The following TMEM64 variants were observed in gnomAD, a reference collection of about 807,000 sequenced individuals.
TMEM64 encodes the protein transmembrane protein 64.
Under a neutral mutation model 24.5 loss-of-function variants are expected in TMEM64, and 19 were observed. That is an observed-to-expected ratio of 0.78 (90% CI 0.54 to 1.14). The LOEUF is 1.14. TMEM64 is among the 50% of genes most tolerant of loss of function. The pLI, the probability that TMEM64 is intolerant of heterozygous loss-of-function variation, is 0.00. For missense variants in TMEM64, 487 were observed against 493.0 expected (o/e 0.99, Z 0.12); for synonymous variants, 262 against 224.7 (o/e 1.17, Z -1.49).
At chr8:90,636,320 A>C (rs989091581) in intron 1 of TMEM64, among the ~76,000 whole-genome samples, 2 of 152,174 alleles carry the variant, frequency 1.3e-5, no homozygotes, top group Admixed American at 1.3e-4. Flanking sequence ...CAATGGCACG[A>C]TCTCGGCTCA....
At position 90,624,566 on chromosome 8, in the gene TMEM64, A is replaced by G. The variant is rs551864348; in HGVS notation, c.*1105T>C. ...ACAATTTCACATTTCAGAATTCCTG[A>G]GTCTTATCAGAGAAAAACAAGTACT... On this transcript the variant is annotated 3_prime_UTR_variant, in exon 3 of 3. Transcript: ENST00000458549. 1 of 152,522 alleles carries G rather than the reference A, an allele frequency of 6.6e-6. No homozygotes were observed. The highest frequency in any genetic ancestry group is 1.5e-5 in the Non-Finnish European group (1 of 67,946). 9.4% of individuals were successfully genotyped at this position (152,522 alleles called of 1,614,324 possible). A position where few individuals can be genotyped will look rare whatever the true frequency, so the allele number is the denominator to read the frequency against.
chr8:90,635,941 T>C (rs1190069776), intron 1 of TMEM64, among the ~76,000 whole-genome samples: 3 of 152,170 alleles, frequency 2.0e-5, no homozygotes, highest in Non-Finnish European at 4.4e-5. Flanking sequence ...ATGACATCAA[T>C]AATATTCAAA....
At chr8:90,628,578 AAAG>A (rs1197658422) in intron 2 of TMEM64, among the ~76,000 whole-genome samples, 3 of 152,208 alleles carry the variant, frequency 2.0e-5, no homozygotes, top group African/African-American at 4.8e-5. Flanking sequence ...GACTTCCCCA[AAAG>A]AATAGGGGCA....
chr8:90,627,253 G>T (rs1809374163), intron 2 of TMEM64, among the ~76,000 whole-genome samples: 1 of 151,982 alleles, frequency 6.6e-6, no homozygotes, highest in Non-Finnish European at 1.5e-5. Flanking sequence ...GAGAGGGGAG[G>T]AACTTGGAAC....
chr8:90,634,161 G>T (rs1809481183), intron 1 of TMEM64, among the ~76,000 whole-genome samples: 1 of 151,994 alleles, frequency 6.6e-6, no homozygotes, highest in African/African-American at 2.4e-5. Flanking sequence ...TAAAGGTGAG[G>T]ATATAGCCTG....
chr8:90,638,685 C>A (rs1185405648), intron 1 of TMEM64, among the ~76,000 whole-genome samples: 1 of 151,738 alleles, frequency 6.6e-6, no homozygotes, highest in Admixed American at 6.6e-5. Flanking sequence ...TGTATCAACA[C>A]CAATAATGCT....
chr8:90,632,126 T>C (rs1809448426), intron 1 of TMEM64, among the ~76,000 whole-genome samples: 2 of 152,156 alleles, frequency 1.3e-5, no homozygotes, highest in Admixed American at 6.5e-5. Context: ...GATAATTCAA[T>C]ATGCTACTCT....
At chr8:90,627,977 G>T (rs563872856) in intron 2 of TMEM64, among the ~76,000 whole-genome samples, 1 of 152,148 alleles carries the variant, frequency 6.6e-6, no homozygotes, top group Non-Finnish European at 1.5e-5. Context: ...GGAAGGAAGT[G>T]GCAGGGCCAC....
At chr8:90,631,807 G>T in intron 1 of TMEM64, 100 bp from the exon 2 acceptor site, 1 of 960,968 alleles carries the variant, frequency 1.0e-6, no homozygotes, top group Non-Finnish European at 1.5e-6. Context: ...TATTTCCTCG[G>T]GAAGGAGCTG....
chr8:90,630,449 C>T (rs1431008281), intron 2 of TMEM64, among the ~76,000 whole-genome samples: 1 of 152,112 alleles, frequency 6.6e-6, no homozygotes, highest in Non-Finnish European at 1.5e-5. Context: ...ATCTCTAGAA[C>T]CAACCACCTT....
At chr8:90,626,190 G>A (rs1809356799) in intron 2 of TMEM64, among the ~76,000 whole-genome samples, 1 of 152,184 alleles carries the variant, frequency 6.6e-6, no homozygotes, top group Admixed American at 6.5e-5. Context: ...GTCTACAATA[G>A]AGGTAACAGC....
chr8:90,644,653 G>A (rs770441674), intron 1 of TMEM64, among the ~76,000 whole-genome samples: 1 of 152,220 alleles, frequency 6.6e-6, no homozygotes, highest in Non-Finnish European at 1.5e-5. Context: ...TCTGGAGTCT[G>A]CAACTAGCTC....
intron 2 of TMEM64, among the ~76,000 whole-genome samples, chr8:90,629,165 A>G (rs1809403568): frequency 6.6e-6 from 1 of 152,198 alleles, no homozygotes; most frequent in Non-Finnish European, 1.5e-5. Flanking sequence ...TTAAGCTGTA[A>G]CTAATATCAA....
intron 1 of TMEM64, among the ~76,000 whole-genome samples, chr8:90,642,369 T>C (rs746415316): frequency 6.6e-6 from 1 of 151,996 alleles, no homozygotes; most frequent in Non-Finnish European, 1.5e-5. Flanking sequence ...CCCAGATGAA[T>C]TTCTCTAATT....
intron 1 of TMEM64, among the ~76,000 whole-genome samples, chr8:90,633,980 T>C (rs1385967648): frequency 6.6e-6 from 1 of 152,178 alleles, no homozygotes; most frequent in African/African-American, 2.4e-5. Context: ...ACAAATGTTT[T>C]TAAATTTTTA....
Position 90,622,533 on chromosome 8 carries a change from AC to A in TMEM64, c.*3137del, listed in dbSNP as rs1464700943. The A allele has an allele frequency of 6.6e-6, 1 of 152,204 alleles. No individual in the cohort carries two copies. The highest frequency in any genetic ancestry group is 1.5e-5 in the Non-Finnish European group (1 of 68,042). 9.4% of individuals were successfully genotyped at this position (152,204 alleles called of 1,614,324 possible). A position where few individuals can be genotyped will look rare whatever the true frequency, so the allele number is the denominator to read the frequency against. The stretch of plus-strand genomic sequence containing the variant: ...ATTTACCTGCACCAATGTGGCACAC[AC>A]CTAGCAACTTTCTCAAGCATTCTAA... On this transcript the variant is annotated 3_prime_UTR_variant, in exon 3 of 3. Coordinates refer to ENST00000458549, the MANE Select transcript of TMEM64 (RefSeq NM_001008495.4).
chr8:90,638,388 C>T (rs919605094), intron 1 of TMEM64, among the ~76,000 whole-genome samples: 4 of 152,194 alleles, frequency 2.6e-5, no homozygotes, highest in African/African-American at 7.2e-5. Flanking sequence ...AAAACTCCTA[C>T]ACTGTCTTTC....
Position 90,645,563 on chromosome 8 carries a change from C to A in TMEM64, c.343G>T (p.Gly115Cys), listed in dbSNP as rs1190089646. 2 of 1,545,458 alleles carry A rather than the reference C, an allele frequency of 1.3e-6. No individual in the cohort carries two copies. The highest frequency in any genetic ancestry group is 2.7e-5 in the African/African-American group (2 of 72,996). ...EVRNWRCCCL[G>C]STCWCRSLVL... is the part of the protein sequence containing the mutation. ...AGGCTCCGGCACCAACAGGTGCTGC[C>A]GAGGCAGCAGCAGCGCCAGTTTCTC... The change falls in exon 1 of 3, where the codon GGC becomes TGC. Residue 115 changes from glycine (G) to cysteine (C), a missense_variant. Transcript: ENST00000458549. The surrounding 1 kb of genome is among the most constrained non-coding windows in gnomAD (Gnocchi z 4.2).
intron 2 of TMEM64, 82 bp downstream of exon 2, chr8:90,631,470 T>C (rs1169966019): frequency 1.7e-6 from 2 of 1,196,270 alleles, no homozygotes; most frequent in Non-Finnish European, 2.3e-6. Flanking sequence ...CTGATTATTT[T>C]CAATGAAATC....
Sources: allele counts gnomAD v4.1 joint callset (sites outside exome capture counted in the v4.1 genomes callset), GRCh38; gene constraint gnomAD v4.1.1; non-coding constraint Gnocchi (gnomAD v3.1); transcripts MANE v1.5; gene names NCBI Gene and HGNC (gene_info 2026-07-23, HGNC 2026-07-21).